The following TROAP variants were observed in gnomAD, a reference collection of about 807,000 sequenced individuals.
TROAP encodes the protein trophinin associated protein.
TROAP carries 62 observed loss-of-function variants against 83.4 expected under a neutral mutation model. The ratio of observed to expected loss-of-function variants is 0.74; its 90% CI spans 0.61 to 0.92. TROAP has a LOEUF of 0.92. TROAP is among the 40% of genes least tolerant of loss of function. TROAP has a pLI of 0.00. For missense variants in TROAP, 876 were observed against 985.1 expected, an observed-to-expected ratio of 0.89 and a Z score of 1.48; for synonymous variants, 352 against 386.4, an observed-to-expected ratio of 0.91 and a Z score of 1.04.
chr12:49,325,060 G>A (rs992095705), intron 3 of TROAP, among the ~76,000 whole-genome samples: 16 of 151,614 alleles, frequency 1.1e-4, no homozygotes, highest in South Asian at 2.1e-4. Context: ...ACAGGCGCGC[G>A]CCACCAGGTC....
rs780545173 is a variant in TROAP, at chr12:49,330,379, C to T, written c.1534C>T (p.Pro512Ser). ...KPCLPEECGE[P>S]QPCPPAEPGP... is the part of the protein sequence containing the mutation. ...CTGTCTTCCAGAGGAGTGCGGGGAA[C>T]CACAGCCCTGCCCTCCGGCAGAGCC... is the stretch of plus-strand genomic sequence containing the variant. The change falls in exon 13 of 15, where the codon CCA (proline) becomes TCA (serine). Residue 512 changes from proline to serine, a missense_variant. Around this residue, in one of 3 missense-constraint regions of TROAP, gnomAD observed 689 missense variants for 722.6 expected, o/e 0.95. Coordinates refer to ENST00000257909, the MANE Select transcript of TROAP (RefSeq NM_005480.4). 1 of 1,614,180 alleles carries T rather than the reference C, an allele frequency of 6.2e-7. No homozygotes were observed. Among genetic ancestry groups the T allele is most frequent in the Non-Finnish European group, 8.5e-7 (1 of 1,180,004 alleles).
chr12:49,330,679 G>A lies in TROAP; in HGVS notation c.1834G>A (p.Glu612Lys), dbSNP rs1461721556. Reference protein sequence around the residue: ...SSRQEQLEVPEPCPPAEPGPL... With the variant: ...SSRQEQLEVPKPCPPAEPGPL... ...TCGCCAGGAACAGCTTGAGGTACCT[G>A]AGCCCTGCCCTCCAGCAGAACCCGG... The change falls in exon 13 of 15, where the codon GAG (glutamate) becomes AAG (lysine). Residue 612 changes from glutamate (E) to lysine (K), a missense_variant. Transcript: ENST00000257909. 11 of 1,613,822 alleles carry A rather than the reference G, an allele frequency of 6.8e-6. No individual in the cohort carries two copies. The highest frequency in any genetic ancestry group is 1.6e-4 in the Middle Eastern group (1 of 6,062).
intron 12 of TROAP, 64 bp from the exon 13 acceptor site, chr12:49,330,081 C>G (rs1181533292): frequency 6.2e-7 from 1 of 1,605,386 alleles, no homozygotes; most frequent in East Asian, 2.2e-5. Context: ...AGGAATAGGA[C>G]AGTGTGGGTA....
chr12:49,323,734 G>A lies in TROAP; in HGVS notation c.126G>A (p.Gln42=). ...CTGTTACATCGTGCGCCGTGGACCA[G>A]GAGAACCAAGATCCAAGGGTAAGAG... The part of the protein sequence containing the change: ...FPTVTSCAVD[Q]ENQDPRRWVQ... The change falls in exon 2 of 15, where the codon CAG becomes CAA. Residue 42 remains glutamine, a synonymous_variant. Transcript: ENST00000257909. 6.2e-7 allele frequency: 1 copy of A among 1,614,126 alleles called. No individual in the cohort carries two copies. Among genetic ancestry groups the A allele is most frequent in the Non-Finnish European group, 8.5e-7 (1 of 1,180,030 alleles).
In TROAP at chr12:49,330,693, A is replaced by T. The variant is rs1380502779; in HGVS notation, c.1848A>T (p.Pro616=). ...TTGAGGTACCTGAGCCCTGCCCTCCAGCAGAACCCGGGCCCCTTCAGCCCA... is the reference window on the plus strand; with the variant it reads ...TTGAGGTACCTGAGCCCTGCCCTCCTGCAGAACCCGGGCCCCTTCAGCCCA... The part of the protein sequence containing the change: ...EQLEVPEPCP[P]AEPGPLQPST... Residue 616 remains proline, a synonymous_variant, in exon 13 of 15, where the codon CCA becomes CCT. Transcript: ENST00000257909. The T allele has an allele frequency of 6.2e-7, 1 of 1,614,038 alleles. No individual in the cohort carries two copies. The highest frequency in any genetic ancestry group is 8.5e-7 in the Non-Finnish European group (1 of 1,179,988).
rs1267909239 is a variant in TROAP at position 49,326,731 on chromosome 12, C to A, written c.769+11C>A. 6.4e-7 allele frequency: 1 copy of A among 1,559,610 alleles called. No homozygotes were observed. The stretch of plus-strand genomic sequence containing the variant: ...CCCCAGTCCAGCCTGGTAAGTGTTT[C>A]TGGCGTGGGGAGAGAACAGGGGCAG... On this transcript the variant is annotated intron_variant, in intron 7 of 14. Coordinates refer to ENST00000257909, the MANE Select transcript of TROAP (RefSeq NM_005480.4).
chr12:49,327,082 G>C, intron 7 of TROAP, 127 bp from the exon 8 acceptor site: 1 of 1,173,682 alleles, frequency 8.5e-7, no homozygotes, highest in South Asian at 1.4e-5. Flanking sequence ...CTGCTGGATG[G>C]GTTCCTGTCC....
Position 49,330,253 on chromosome 12 carries a change from C to T in TROAP, c.1408C>T (p.Pro470Ser), listed in dbSNP as rs551622036. The T allele has an allele frequency of 1.9e-6, 3 of 1,614,148 alleles. No individual in the cohort carries two copies. Among genetic ancestry groups the T allele is most frequent in the East Asian group, 2.2e-5 (1 of 44,886 alleles). The change falls in exon 13 of 15, where the codon CCC (proline) becomes TCC (serine). Residue 470 changes from proline to serine, a missense_variant. Around this residue, in one of 3 missense-constraint regions of TROAP, gnomAD observed 689 missense variants for 722.6 expected, o/e 0.95. Transcript: ENST00000257909. ...GSSLDMVELQ[P>S]LLTEISRTLN... ...TTCTCTGGATATGGTTGAACTTCAG[C>T]CCCTGCTGACTGAGATTTCTAGAAC...
At chr12:49,327,025 G>A (rs983570394) in intron 7 of TROAP, among the ~76,000 whole-genome samples, 184 bp from the exon 8 acceptor site, 6 of 152,162 alleles carry the variant, frequency 3.9e-5, no homozygotes, top group South Asian at 4.1e-4. Flanking sequence ...CTACTCAGAC[G>A]TTCAGATTAA....
rs771698022 is a variant in TROAP, at chr12:49,330,019, T to A, written c.1299+28T>A. The stretch of plus-strand genomic sequence containing the variant: ...GAGTCTGTGTGGCCAACAGCTTTGA[T>A]GTCTATTGAACAGTGACTGGGCTGA... On this transcript the variant is annotated intron_variant, in intron 12 of 14. Transcript: ENST00000257909. 3.7e-6 allele frequency: 6 copies of A among 1,613,370 alleles called. No homozygotes were observed. In the South Asian group the frequency reaches 6.6e-5, roughly 18 times the overall value.
At position 49,329,866 on chromosome 12, in the gene TROAP, GC is replaced by G. The variant is rs778498905; in HGVS notation, c.1176del (p.Val393SerfsTer10). 4 of 1,613,810 alleles carry G rather than the reference GC, an allele frequency of 2.5e-6. No homozygotes were observed. The highest frequency in any genetic ancestry group is 3.4e-6 in the Non-Finnish European group (4 of 1,179,924). On this transcript the variant is annotated frameshift_variant, in exon 12 of 15. Transcript: ENST00000257909. LOFTEE classifies it high-confidence loss of function. The surrounding 1 kb of genome is among the most constrained non-coding windows in gnomAD (Gnocchi z 4.5). The stretch of plus-strand genomic sequence containing the variant: ...TGTTCCTTGGTGACAGGAGCAGGTT[GC>G]CGTCCGGTTGTTTGACCAGGAGAGT... ...EDPALPWEQVAVRLFDQESCI... is the reference protein window; with the variant it reads ...EDPALPWEQVXVRLFDQESCI...
intron 8 of TROAP, among the ~76,000 whole-genome samples, chr12:49,328,319 G>T (rs1943530635): frequency 6.7e-6 from 1 of 149,918 alleles, no homozygotes; most frequent in Non-Finnish European, 1.5e-5. Flanking sequence ...CTGCCTCCTG[G>T]GTTCAAGTGA....
intron 3 of TROAP, among the ~76,000 whole-genome samples, chr12:49,324,852 C>A (rs1943470848): frequency 6.6e-6 from 1 of 150,866 alleles, no homozygotes; most frequent in Admixed American, 6.6e-5. Context: ...TGCCTCACCC[C>A]GAGTACCTGG....
Position 49,327,253 on chromosome 12 carries a change from G to A in TROAP, c.814G>A (p.Asp272Asn), listed in dbSNP as rs746454558. ...AGAACGCGAGGTTGTCACTCACTCA[G>A]ATGAAGGAGGTGTGGCCTCTCTTGG... ...KGEREVVTHS[D>N]EGGVASLGLA... The change falls in exon 8 of 15, where the codon GAT (aspartate) becomes AAT (asparagine). Residue 272 changes from aspartate to asparagine, a missense_variant. This residue lies in a region of TROAP where 689 missense variants were observed against 722.6 expected (regional missense o/e 0.95). Coordinates refer to ENST00000257909, the MANE Select transcript of TROAP (RefSeq NM_005480.4). The A allele has an allele frequency of 6.2e-7, 1 of 1,614,086 alleles. No homozygotes were observed. The highest frequency in any genetic ancestry group is 8.5e-7 in the Non-Finnish European group (1 of 1,180,022).
intron 6 of TROAP, 131 bp downstream of exon 6, chr12:49,326,289 A>G: frequency 2.2e-6 from 2 of 904,900 alleles, no homozygotes; most frequent in South Asian, 2.8e-5. Context: ...GGGAAGCAAG[A>G]AACCTGTGAT....
chr12:49,323,628 C>G lies in TROAP; in HGVS notation c.20C>G (p.Thr7Arg), dbSNP rs765699283. Reference sequence around the variant, plus strand: ...GCCATCATGACCACCCGGCAAGCCACGAAGGATCCCCTCCTCCGGGGTGTA... The same window carrying G: ...GCCATCATGACCACCCGGCAAGCCAGGAAGGATCCCCTCCTCCGGGGTGTA... The part of the protein sequence containing the change: MTTRQA[T>R]KDPLLRGVSP... The change falls in exon 2 of 15, where the codon ACG becomes AGG. Residue 7 changes from threonine (T) to arginine (R), a missense_variant. Thr to Arg is a moderately conservative substitution (Grantham distance 71). Transcript: ENST00000257909. The G allele has an allele frequency of 1.9e-6, 3 of 1,613,978 alleles. No individual in the cohort carries two copies. In the South Asian group the frequency reaches 3.3e-5, roughly 18 times the overall value.
At position 49,325,896 on chromosome 12, in the gene TROAP, T is replaced by C. The variant is rs1368755812; in HGVS notation, c.633+12T>C. 5 of 1,610,706 alleles carry C rather than the reference T, an allele frequency of 3.1e-6. No homozygotes were observed. Among genetic ancestry groups the C allele is most frequent in the Non-Finnish European group, 4.2e-6 (5 of 1,178,932 alleles). On this transcript the variant is annotated intron_variant, in intron 5 of 14. Coordinates refer to ENST00000257909, the MANE Select transcript of TROAP (RefSeq NM_005480.4). ...GGCTACAGGCTCTGGTGAGTGCCCT[T>C]GAGGGGCTGATAGTCGGTGCTTCTG...
rs371839900 is a variant in TROAP, at chr12:49,328,080, T to C, written c.891+750T>C. ...GCAGAGTAAGAAGAACAGTAGGAGA[T>C]AGGGTTTTAGCGATAACACGATCAG... is the stretch of plus-strand genomic sequence containing the variant. On this transcript the variant is annotated intron_variant, in intron 8 of 14. Transcript: ENST00000257909. Among the ~76,000 whole-genome samples, 3 of 151,968 alleles carry C rather than the reference T, an allele frequency of 2.0e-5. No homozygotes were observed. In the South Asian group the frequency reaches 6.2e-4, roughly 32 times the overall value.
At position 49,329,411 on chromosome 12, in the gene TROAP, G is replaced by C; in HGVS notation, c.1121G>C (p.Gly374Ala). The C allele has an allele frequency of 6.2e-7, 1 of 1,612,756 alleles. No homozygotes were observed. The highest frequency in any genetic ancestry group is 8.5e-7 in the Non-Finnish European group (1 of 1,179,164). ...PRVQQAQWLR[G>A]VSPQSCSEDP... ...CTGTGCCAGGCCCAGTGGCTGCGTG[G>C]TGTCTCCCCTCAGTCCTGCTCTGAA... The change falls in exon 11 of 15, where the codon GGT becomes GCT. Residue 374 changes from glycine to alanine, a missense_variant. Transcript: ENST00000257909. The surrounding 1 kb of genome is among the most constrained non-coding windows in gnomAD (Gnocchi z 4.5).
Sources: allele counts gnomAD v4.1 joint callset (sites outside exome capture counted in the v4.1 genomes callset), GRCh38; gene constraint gnomAD v4.1.1; regional missense constraint gnomAD v4.1.1; non-coding constraint Gnocchi (gnomAD v3.1); transcripts MANE v1.5; gene names NCBI Gene and HGNC (gene_info 2026-07-23, HGNC 2026-07-21).